The following FAF2 variants were observed in gnomAD, a reference collection of about 807,000 sequenced individuals.
FAF2 encodes the protein Fas associated factor family member 2.
FAF2 carries 9 observed loss-of-function variants against 62.3 expected under a neutral mutation model. The ratio of observed to expected loss-of-function variants is 0.14; its 90% CI spans 0.09 to 0.25. The LOEUF (loss-of-function observed/expected upper bound fraction) is 0.25. FAF2 is among the 10% of genes least tolerant of loss of function. The probability of loss-of-function intolerance (pLI) is 1.00; values close to 1 mark genes in which losing one functional copy is unlikely to be tolerated. For synonymous variants in FAF2, 202 were observed against 198.0 expected (o/e 1.02, Z -0.17); for missense variants, 368 against 556.2 (o/e 0.66, Z 3.40).
At chr5:176,502,409 T>TG (rs897187039) in intron 10 of FAF2, among the ~76,000 whole-genome samples, 7 of 151,586 alleles carry the variant, frequency 4.6e-5, no homozygotes, top group Non-Finnish European at 1.5e-5. Flanking sequence ...GGAGAAACCC[T>TG]GTCTCTACTA....
intron 1 of FAF2, among the ~76,000 whole-genome samples, chr5:176,477,192 G>T (rs1436259524): frequency 1.5e-5 from 2 of 134,404 alleles, no homozygotes; most frequent in African/African-American, 5.6e-5. Flanking sequence ...TGATCTGACC[G>T]CCTCGGCCTC....
chr5:176,501,517 T>A (rs555856699), intron 10 of FAF2, among the ~76,000 whole-genome samples: 1 of 152,172 alleles, frequency 6.6e-6, no homozygotes, highest in Non-Finnish European at 1.5e-5. Flanking sequence ...CTCTGATAAG[T>A]TTAAACTGAA....
intron 1 of FAF2, among the ~76,000 whole-genome samples, chr5:176,478,851 T>C (rs894181844): frequency 6.6e-6 from 1 of 152,224 alleles, no homozygotes; most frequent in Non-Finnish European, 1.5e-5. Flanking sequence ...ATCAACAGAA[T>C]AGCTGTTTAG....
intron 10 of FAF2, among the ~76,000 whole-genome samples, chr5:176,505,911 G>A (rs1755674886): frequency 1.3e-5 from 2 of 152,060 alleles, no homozygotes; most frequent in African/African-American, 2.4e-5. Flanking sequence ...GCTCACGCCT[G>A]TAATCTCAGC....
Position 176,507,386 on chromosome 5 carries a change from T to C in FAF2, c.*436T>C. The stretch of plus-strand genomic sequence containing the variant: ...GCATCTCCTGAGGACTTGCTTCTCC[T>C]GCCTCTGGGGAAGAGAGGGAAGAGA... On this transcript the variant is annotated 3_prime_UTR_variant, in exon 11 of 11. Coordinates refer to ENST00000261942, the MANE Select transcript of FAF2 (RefSeq NM_014613.3). 2.2e-6 allele frequency: 1 copy of C among 445,686 alleles called. No individual in the cohort carries two copies. 27.6% of individuals were successfully genotyped at this position (445,686 alleles called of 1,614,324 possible). A position where few individuals can be genotyped will look rare whatever the true frequency, so the allele number is the denominator to read the frequency against.
At chr5:176,504,583 C>CA (rs1382156211) in intron 10 of FAF2, among the ~76,000 whole-genome samples, 38 of 144,836 alleles carry the variant, frequency 2.6e-4, no homozygotes, top group East Asian at 1.0e-3. Flanking sequence ...GACTCCATCT[C>CA]AAAAAAAAAA....
At chr5:176,452,133 C>T (rs1479150865) in intron 1 of FAF2, among the ~76,000 whole-genome samples, 1 of 151,438 alleles carries the variant, frequency 6.6e-6, no homozygotes, top group Admixed American at 6.6e-5. Context: ...TCTCGGCTCA[C>T]TGCAGCCTCT....
In FAF2 at chr5:176,461,635, G is replaced by GT. The variant is rs550275518; in HGVS notation, c.63+13174dup. ...GAGCCACTCGGCCTGGCTTTTGCCA[G>GT]TTTTTTTTTAATGGGGTTATTATTA... On this transcript the variant is annotated intron_variant, in intron 1 of 10. Coordinates refer to ENST00000261942, the MANE Select transcript of FAF2 (RefSeq NM_014613.3). 7.3e-4 allele frequency among the ~76,000 whole-genome samples: 109 copies of GT among 150,180 alleles called. 1 individual carries two copies. The highest frequency in any genetic ancestry group is 1.0e-3 in the Non-Finnish European group (70 of 67,410).
chr5:176,502,435 C>T (rs1037680937), intron 10 of FAF2, among the ~76,000 whole-genome samples: 5 of 151,952 alleles, frequency 3.3e-5, no homozygotes, highest in African/African-American at 1.2e-4. Context: ...ACAAAATTAG[C>T]TGGGTGTGGT....
At chr5:176,493,192 C>T (rs772002755) in intron 5 of FAF2, among the ~76,000 whole-genome samples, 1 of 152,222 alleles carries the variant, frequency 6.6e-6, no homozygotes, top group African/African-American at 2.4e-5. Flanking sequence ...AAAATGCTCA[C>T]CCTTGCTTCC....
chr5:176,488,908 G>A, intron 3 of FAF2, 43 bp from the exon 4 acceptor site: 1 of 1,465,772 alleles, frequency 6.8e-7, no homozygotes, highest in Admixed American at 1.7e-5. Context: ...TAAAATATTA[G>A]GGATTGAGAG....
At position 176,492,342 on chromosome 5, in the gene FAF2, A is replaced by G. The variant is rs764875808; in HGVS notation, c.483+10A>G. ...GGGAACGTACAGCCAGGTCAGTGCC[A>G]TAAACCATATAGATGCCAACTTACC... On this transcript the variant is annotated intron_variant, in intron 5 of 10. Transcript: ENST00000261942. 12 of 1,609,504 alleles carry G rather than the reference A, an allele frequency of 7.5e-6. No homozygotes were observed. The highest frequency in any genetic ancestry group is 1.1e-5 in the South Asian group (1 of 90,636).
At chr5:176,457,824 C>T (rs1758303230) in intron 1 of FAF2, among the ~76,000 whole-genome samples, 1 of 152,108 alleles carries the variant, frequency 6.6e-6, no homozygotes, top group Admixed American at 6.6e-5. Context: ...TGAAAGAGAA[C>T]AATTTTTCAT....
At chr5:176,482,778 A>G (rs1161169790) in intron 2 of FAF2, among the ~76,000 whole-genome samples, 2 of 152,146 alleles carry the variant, frequency 1.3e-5, no homozygotes, top group Non-Finnish European at 2.9e-5. Flanking sequence ...GTCTTCCCAA[A>G]GTGTTGGGAT....
rs1199929603 is a variant in FAF2 at position 176,496,645 on chromosome 5, T to C, written c.821T>C (p.Val274Ala). The C allele has an allele frequency of 6.3e-7, 1 of 1,594,034 alleles. No homozygotes were observed. The highest frequency in any genetic ancestry group is 1.4e-5 in the African/African-American group (1 of 73,756). Reference protein sequence around the residue: ...FIMDANQTYLVSERLEREERN... With the variant: ...FIMDANQTYLASERLEREERN... ...ATGGATGCTAACCAGACTTACCTGG[T>C]GTCAGAACGCCTAGAAAGGTACAAG... Residue 274 changes from valine to alanine, a missense_variant, in exon 8 of 11, where the codon GTG (valine) becomes GCG (alanine). Val to Ala is a moderately conservative substitution (Grantham distance 64). This residue lies in a region of FAF2 where 331 missense variants were observed against 441.9 expected (regional missense o/e 0.75). Transcript: ENST00000261942.
chr5:176,458,473 G>A (rs527793369), intron 1 of FAF2, among the ~76,000 whole-genome samples: 194 of 126,376 alleles, frequency 1.5e-3, no homozygotes, highest in African/African-American at 5.0e-3. Context: ...GCGGTGGCTC[G>A]ATCTCGGCTC....
chr5:176,506,682 T>C (rs1246976688), intron 10 of FAF2, 86 bp from the exon 11 acceptor site: 2 of 1,149,362 alleles, frequency 1.7e-6, no homozygotes, highest in African/African-American at 3.3e-5. Flanking sequence ...TATATTTGAC[T>C]TCAGAGTTGT....
chr5:176,474,174 G>A (rs1758621036), intron 1 of FAF2, among the ~76,000 whole-genome samples: 2 of 152,142 alleles, frequency 1.3e-5, no homozygotes, highest in East Asian at 1.9e-4. Flanking sequence ...CTAAACATGA[G>A]TTGATGTTTC....
chr5:176,491,459 C>CAA (rs1283441931), intron 4 of FAF2, among the ~76,000 whole-genome samples: 12 of 152,264 alleles, frequency 7.9e-5, no homozygotes, highest in Admixed American at 7.8e-4. Flanking sequence ...AATCATCAAG[C>CAA]AAAAGGTACT....
Sources: gnomAD v4.1 joint callset for allele counts (sites outside exome capture counted in the v4.1 genomes callset) on GRCh38, gnomAD v4.1.1 for gene constraint, gnomAD v4.1.1 regional missense constraint, MANE v1.5 for transcripts, NCBI Gene and HGNC (gene_info 2026-07-23, HGNC 2026-07-21) for gene names.